RPSA2: variants seen among roughly 807,000 people sequenced by gnomAD.
RPSA2 encodes the protein small ribosomal subunit protein uS2B.
the RPSA2 span, among the ~76,000 whole-genome samples, chr19:23,825,811 A>G: frequency 6.6e-6 from 1 of 151,336 alleles, no homozygotes; most frequent in African/African-American, 2.4e-5. Flanking sequence ...CTGGTCTTGA[A>G]CTCCCAACCT....
chr19:23,761,213 G>A, the RPSA2 span, among the ~76,000 whole-genome samples: 1 of 151,804 alleles, frequency 6.6e-6, no homozygotes, highest in Non-Finnish European at 1.5e-5. Flanking sequence ...TTGAGTAGGT[G>A]AGACTATAGG....
At chr19:23,828,709 G>A in the RPSA2 span, among the ~76,000 whole-genome samples, 22 of 151,880 alleles carry the variant, frequency 1.4e-4, no homozygotes, top group South Asian at 1.7e-3. Context: ...GAGCTATTGA[G>A]AAGGGTGTGT....
chr19:23,815,631 C>G, the RPSA2 span, among the ~76,000 whole-genome samples: 1 of 152,098 alleles, frequency 6.6e-6, no homozygotes, highest in African/African-American at 2.4e-5. Flanking sequence ...ATAAATTATC[C>G]ACTCAGGTAT....
the RPSA2 span, among the ~76,000 whole-genome samples, chr19:23,795,743 T>C: frequency 6.6e-6 from 1 of 152,284 alleles, no homozygotes; most frequent in East Asian, 1.9e-4. Flanking sequence ...CTTTGCCTTG[T>C]GCCAATTTTT....
chr19:23,854,884 A>G, the RPSA2 span, among the ~76,000 whole-genome samples: 1 of 152,104 alleles, frequency 6.6e-6, no homozygotes, highest in Non-Finnish European at 1.5e-5. Context: ...GATCAGGTAA[A>G]TTTTGTCGTT....
the RPSA2 span, among the ~76,000 whole-genome samples, chr19:23,821,503 C>CCA: frequency 6.6e-6 from 1 of 152,204 alleles, no homozygotes; most frequent in East Asian, 1.9e-4. Context: ...TTCTTCCCTG[C>CCA]CTCCCCCACT....
At chr19:23,763,445 A>C in the RPSA2 span, among the ~76,000 whole-genome samples, 1 of 152,212 alleles carries the variant, frequency 6.6e-6, no homozygotes, top group African/African-American at 2.4e-5. Flanking sequence ...TTGCGTGGGA[A>C]GAACTGCAGC....
chr19:23,827,128 G>C, the RPSA2 span: 1 of 765,210 alleles, frequency 1.3e-6, no homozygotes, highest in Non-Finnish European at 2.3e-6. Context: ...CGTTGTTCTG[G>C]ATTCCCGTCG....
At chr19:23,789,019 C>CTTTTTTTTTTTTTTTTT in the RPSA2 span, among the ~76,000 whole-genome samples, 3 of 112,602 alleles carry the variant, frequency 2.7e-5, no homozygotes, top group Non-Finnish European at 3.5e-5. Context: ...TTTTTTCTTT[C>CTTTTTTTTTTTTTTTTT]TTTCTTTTTT....
At chr19:23,853,810 G>A in the RPSA2 span, among the ~76,000 whole-genome samples, 3 of 152,198 alleles carry the variant, frequency 2.0e-5, no homozygotes, top group Admixed American at 1.3e-4. Context: ...CAGGGCCAGT[G>A]CAAGGCAAGA....
At chr19:23,810,394 CA>C in the RPSA2 span, among the ~76,000 whole-genome samples, 1 of 13,060 alleles carries the variant, frequency 7.7e-5, no homozygotes, top group African/African-American at 3.1e-4. Flanking sequence ...ACTCCCTCTC[CA>C]AAAAAAAAAA....
At chr19:23,843,500 C>T in the RPSA2 span, among the ~76,000 whole-genome samples, 208 of 152,242 alleles carry the variant, frequency 1.4e-3, no homozygotes, top group Admixed American at 3.1e-3. Context: ...TTGAGGGTAC[C>T]ATGAGAGCTA....
chr19:23,870,077 G>A, the RPSA2 span, among the ~76,000 whole-genome samples: 1 of 152,162 alleles, frequency 6.6e-6, no homozygotes, highest in Non-Finnish European at 1.5e-5. Context: ...TCTGAGCCTT[G>A]TGATGCCACC....
the RPSA2 span, among the ~76,000 whole-genome samples, chr19:23,798,661 A>G: frequency 6.6e-6 from 1 of 151,958 alleles, no homozygotes; most frequent in Non-Finnish European, 1.5e-5. Flanking sequence ...CTACTTACAT[A>G]TTTATATCTA....
the RPSA2 span, among the ~76,000 whole-genome samples, chr19:23,855,664 G>A: frequency 1.3e-5 from 2 of 152,182 alleles, no homozygotes; most frequent in African/African-American, 4.8e-5. Context: ...GTATGAGAGT[G>A]TGAGAAAGGG....
At chr19:23,793,601 T>C in the RPSA2 span, among the ~76,000 whole-genome samples, 1 of 152,010 alleles carries the variant, frequency 6.6e-6, no homozygotes, top group African/African-American at 2.4e-5. Flanking sequence ...TCACTTTTGT[T>C]GCCCAGACTG....
chr19:23,832,856 A>G, the RPSA2 span: 6 of 1,581,338 alleles, frequency 3.8e-6, no homozygotes, highest in Non-Finnish European at 4.3e-6. Flanking sequence ...CTTACTACAC[A>G]TAAGAGAATT....
the RPSA2 span, among the ~76,000 whole-genome samples, chr19:23,788,621 AC>A: frequency 1.8e-4 from 27 of 151,854 alleles, no homozygotes; most frequent in African/African-American, 6.3e-4. Context: ...TAGTGATGTG[AC>A]TCTTCGTCAG....
chr19:23,836,854 T>A, the RPSA2 span, among the ~76,000 whole-genome samples: 2 of 152,128 alleles, frequency 1.3e-5, no homozygotes, highest in African/African-American at 4.8e-5. Context: ...TCTTACTGAT[T>A]TGAGTTCATT....
Sources: gnomAD v4.1 joint callset for allele counts (sites outside exome capture counted in the v4.1 genomes callset) on GRCh38, gnomAD v4.1.1 for gene constraint, MANE v1.5 for transcripts, NCBI Gene and HGNC (gene_info 2026-07-23, HGNC 2026-07-21) for gene names.